Variants in CDCA7L observed in about 807,000 individuals in gnomAD.
CDCA7L encodes cell division cycle associated 7 like.
Under a neutral mutation model 57.4 loss-of-function variants are expected in CDCA7L, and 44 were observed. That is an observed-to-expected ratio of 0.77 (90% CI 0.60 to 0.98). CDCA7L has a LOEUF of 0.98. Ranked by LOEUF, CDCA7L falls within the 50% of genes least tolerant of loss-of-function variation. The pLI, the probability that CDCA7L is intolerant of heterozygous loss-of-function variation, is 0.00. For missense variants in CDCA7L, 644 were observed against 580.6 expected (o/e 1.11, Z -1.12); for synonymous variants, 236 against 202.8 (o/e 1.16, Z -1.39).
At position 21,905,430 on chromosome 7, in the gene CDCA7L, G is replaced by C. The variant is rs116615876; in HGVS notation, c.1047+76C>G. 3,830 of 1,503,246 alleles carry C rather than the reference G, an allele frequency of 2.5e-3. 83 individuals carry two copies. The African/African-American group carries it at 0.045, about 17-fold the overall frequency. The allele number at this position is 1,503,246 out of a possible 1,614,324, so 93.1% of individuals were successfully genotyped here. On this transcript the variant is annotated intron_variant, in intron 7 of 9. Coordinates refer to ENST00000406877, the MANE Select transcript of CDCA7L (RefSeq NM_018719.5). ...TGGTGAGATGGCATAAGCCCTGATA[G>C]AGTTTAAAAACAAGTGAGATTTCAA...
chr7:21,945,224 T>A (rs1317798665), intron 1 of CDCA7L, among the ~76,000 whole-genome samples: 2 of 152,134 alleles, frequency 1.3e-5, no homozygotes, highest in African/African-American at 4.8e-5. Context: ...CTTGTTTAAC[T>A]CGGCCCAATG....
intron 9 of CDCA7L, 183 bp downstream of exon 9, chr7:21,902,795 C>A (rs183159072): frequency 1.4e-5 from 8 of 586,888 alleles, no homozygotes; most frequent in African/African-American, 9.3e-5. Flanking sequence ...GGAGAAGATT[C>A]CCTAATAGGG....
intron 1 of CDCA7L, among the ~76,000 whole-genome samples, chr7:21,935,164 T>C (rs542363115): frequency 6.6e-6 from 1 of 152,314 alleles, no homozygotes; most frequent in South Asian, 2.1e-4. Flanking sequence ...AGTGTGAATA[T>C]ATTTTTAAAT....
At chr7:21,944,056 T>C (rs1183322039) in intron 1 of CDCA7L, among the ~76,000 whole-genome samples, 1 of 152,168 alleles carries the variant, frequency 6.6e-6, no homozygotes, top group East Asian at 1.9e-4. Flanking sequence ...TCCAGATACA[T>C]TTTCTGACTA....
At chr7:21,918,546 A>C (rs1785558884) in intron 1 of CDCA7L, among the ~76,000 whole-genome samples, 1 of 152,130 alleles carries the variant, frequency 6.6e-6, no homozygotes, top group Non-Finnish European at 1.5e-5. Flanking sequence ...TTTATTTTTG[A>C]AGAAGCTGGG....
At chr7:21,902,878 G>GTAAGTCACAC in intron 9 of CDCA7L, 100 bp downstream of exon 9, 3 of 1,101,072 alleles carry the variant, frequency 2.7e-6, no homozygotes, top group Non-Finnish European at 4.0e-6. Context: ...ATATAAGTAA[G>GTAAGTCACAC]TAAGTCACAC....
chr7:21,943,476 G>C (rs1786410552), intron 1 of CDCA7L, among the ~76,000 whole-genome samples: 1 of 152,226 alleles, frequency 6.6e-6, no homozygotes, highest in South Asian at 2.1e-4. Context: ...TGCCACTTCA[G>C]GTGGTTCATC....
In CDCA7L at chr7:21,901,307, G is replaced by A; in HGVS notation, c.*1015C>T. On this transcript the variant is annotated 3_prime_UTR_variant, in exon 10 of 10. Coordinates refer to ENST00000406877, the MANE Select transcript of CDCA7L (RefSeq NM_018719.5). ...GCTGGAGTGCAGTGAGGATTTTCTAGCATGTTGCTGCACTGTTCCCATGCA... is the reference window on the plus strand; with the variant it reads ...GCTGGAGTGCAGTGAGGATTTTCTAACATGTTGCTGCACTGTTCCCATGCA... 6.7e-7 allele frequency: 1 copy of A among 1,500,524 alleles called. No homozygotes were observed. Among genetic ancestry groups the A allele is most frequent in the South Asian group, 1.4e-5 (1 of 69,524 alleles). 93.0% of individuals were successfully genotyped at this position (1,500,524 alleles called of 1,614,324 possible). A position where few individuals can be genotyped will look rare whatever the true frequency, so the allele number is the denominator to read the frequency against.
chr7:21,920,413 C>A (rs1785615130), intron 1 of CDCA7L, among the ~76,000 whole-genome samples: 1 of 152,168 alleles, frequency 6.6e-6, no homozygotes, highest in African/African-American at 2.4e-5. Context: ...TATTTACTTT[C>A]ATCCTTATTT....
intron 1 of CDCA7L, among the ~76,000 whole-genome samples, chr7:21,931,247 A>G (rs1381161374): frequency 6.6e-6 from 1 of 152,188 alleles, no homozygotes; most frequent in Non-Finnish European, 1.5e-5. Flanking sequence ...AAACAACAGA[A>G]AAAGAGGGAA....
At chr7:21,914,891 A>G (rs1291656255) in intron 2 of CDCA7L, among the ~76,000 whole-genome samples, 1 of 152,190 alleles carries the variant, frequency 6.6e-6, no homozygotes, top group East Asian at 1.9e-4. Context: ...TCATAGCAGC[A>G]GAAGCAGCTG....
At chr7:21,934,286 G>T (rs985009156) in intron 1 of CDCA7L, among the ~76,000 whole-genome samples, 1 of 152,100 alleles carries the variant, frequency 6.6e-6, no homozygotes, top group Admixed American at 6.5e-5. Flanking sequence ...ATAAAATGAT[G>T]GAAAAAGAGC....
chr7:21,911,963 C>CA lies in CDCA7L; in HGVS notation c.166-210dup, dbSNP rs59150302. ...ACTTCATGTTATGTGTATTTTACCA[C>CA]AAAAAAAAAAAAACACTGGCCGGGT... On this transcript the variant is annotated intron_variant, in intron 2 of 9. Coordinates refer to ENST00000406877, the MANE Select transcript of CDCA7L (RefSeq NM_018719.5). Among the ~76,000 whole-genome samples the CA allele has an allele frequency of 5.3e-3, 720 of 137,052 alleles. 3 individuals carry two copies. Among genetic ancestry groups the CA allele is most frequent in the African/African-American group, 0.013 (459 of 36,642 alleles). 89.9% of individuals were successfully genotyped at this position (137,052 alleles called of 152,430 possible).
chr7:21,903,980 A>AGAT, intron 8 of CDCA7L, 130 bp downstream of exon 8: 1 of 814,552 alleles, frequency 1.2e-6, no homozygotes, highest in Non-Finnish European at 1.7e-6. Context: ...TGGAGCCTTA[A>AGAT]GATACAAATG....
chr7:21,900,979 A>G lies in CDCA7L; in HGVS notation c.*1343T>C. On this transcript the variant is annotated 3_prime_UTR_variant, in exon 10 of 10. Transcript: ENST00000406877. Reference sequence around the variant, plus strand: ...TATCATTAGTAGCAAGCTGCCACACAATTGCAACCGCTGTGTTTTTGCCAT... The same window carrying G: ...TATCATTAGTAGCAAGCTGCCACACGATTGCAACCGCTGTGTTTTTGCCAT... 1 of 1,543,458 alleles carries G rather than the reference A, an allele frequency of 6.5e-7. No homozygotes were observed. The highest frequency in any genetic ancestry group is 1.3e-5 in the South Asian group (1 of 78,552).
At chr7:21,945,620 T>G (rs1470467890) in intron 1 of CDCA7L, among the ~76,000 whole-genome samples, 161 bp downstream of exon 1, 1 of 152,030 alleles carries the variant, frequency 6.6e-6, no homozygotes, top group African/African-American at 2.4e-5. Context: ...TGCGCACACC[T>G]GCAGGGCGCG....
intron 1 of CDCA7L, among the ~76,000 whole-genome samples, chr7:21,933,314 G>C (rs1366373161): frequency 6.6e-6 from 1 of 152,092 alleles, no homozygotes; most frequent in Non-Finnish European, 1.5e-5. Context: ...ATACCCAAAG[G>C]ATTATAAATC....
intron 2 of CDCA7L, 49 bp downstream of exon 2, chr7:21,916,705 G>C (rs1161834004): frequency 6.3e-7 from 1 of 1,576,694 alleles, no homozygotes. Flanking sequence ...TCCAAACCAA[G>C]ATTCAGGCCT....
At chr7:21,930,076 C>T (rs1180019448) in intron 1 of CDCA7L, among the ~76,000 whole-genome samples, 1 of 152,070 alleles carries the variant, frequency 6.6e-6, no homozygotes, top group East Asian at 1.9e-4. Flanking sequence ...AAGTAAAACA[C>T]TCCTCAGCAA....
Sources: gnomAD v4.1 joint callset for allele counts (sites outside exome capture counted in the v4.1 genomes callset) on GRCh38, gnomAD v4.1.1 for gene constraint, MANE v1.5 for transcripts, NCBI Gene and HGNC (gene_info 2026-07-23, HGNC 2026-07-21) for gene names.